Variants in MKLN1 observed in about 807,000 individuals in gnomAD.
The protein encoded by MKLN1 is muskelin.
A neutral mutation model predicts 99.0 loss-of-function variants in MKLN1; 18 were observed. The observed-to-expected ratio is 0.18, with a 90% CI of 0.13 to 0.27. MKLN1 has a LOEUF of 0.27. Among genes scored for constraint, MKLN1 ranks in the 10% least tolerant of loss-of-function variants. The pLI is 1.00. For synonymous variants in MKLN1, 288 were observed against 293.2 expected (o/e 0.98, Z 0.18); for missense variants, 621 against 875.9 (o/e 0.71, Z 3.67).
intron 2 of MKLN1, among the ~76,000 whole-genome samples, chr7:131,179,826 G>C (rs537195608): frequency 6.6e-6 from 1 of 152,040 alleles, no homozygotes; most frequent in East Asian, 1.9e-4. Context: ...CGCCTGCCTC[G>C]GCCTCCCAAA....
chr7:131,435,691 A>G (rs1795657862), intron 9 of MKLN1, among the ~76,000 whole-genome samples: 1 of 151,752 alleles, frequency 6.6e-6, no homozygotes, highest in Admixed American at 6.6e-5. Context: ...TATGTTTTTG[A>G]TAGTATTCTC....
intron 12 of MKLN1, among the ~76,000 whole-genome samples, chr7:131,447,855 G>C (rs186085070): frequency 3.9e-5 from 6 of 152,154 alleles, no homozygotes; most frequent in Non-Finnish European, 5.9e-5. Context: ...ACACAACTAC[G>C]TAATGACAGA....
intron 2 of MKLN1, among the ~76,000 whole-genome samples, chr7:131,386,654 T>A (rs989212779): frequency 7.2e-5 from 11 of 152,306 alleles, no homozygotes; most frequent in African/African-American, 2.4e-4. Flanking sequence ...GGTTTCAAAT[T>A]TGTAAACTTG....
At chr7:131,162,000 T>TATATATATATATAG (rs1491177471) in intron 2 of MKLN1, among the ~76,000 whole-genome samples, 2 of 127,032 alleles carry the variant, frequency 1.6e-5, no homozygotes, top group Admixed American at 8.2e-5. Context: ...TATATATATA[T>TATATATATATATAG]GTAACAGAGT....
chr7:131,389,025 CA>C (rs1794116073), intron 4 of MKLN1, 53 bp downstream of exon 4: 4 of 1,220,760 alleles, frequency 3.3e-6, no homozygotes, highest in African/African-American at 3.0e-5. Flanking sequence ...CATCAGTCAG[CA>C]AACTATAGCC....
intron 3 of MKLN1, among the ~76,000 whole-genome samples, chr7:131,308,262 T>G (rs913629858): frequency 2.6e-4 from 23 of 88,944 alleles, no homozygotes; most frequent in East Asian, 3.8e-4. Context: ...TCTCACGTAG[T>G]TTTTTTTTTT....
At chr7:131,124,750 AC>A (rs769010236) in intron 1 of MKLN1, among the ~76,000 whole-genome samples, 12 of 151,996 alleles carry the variant, frequency 7.9e-5, no homozygotes, top group Non-Finnish European at 1.5e-4. Context: ...AGCCTACTTT[AC>A]CATGATCCTG....
At chr7:131,182,398 T>A (rs1796389049) in intron 2 of MKLN1, among the ~76,000 whole-genome samples, 1 of 152,244 alleles carries the variant, frequency 6.6e-6, no homozygotes, top group South Asian at 2.1e-4. Flanking sequence ...TTCACGTTAT[T>A]TGGGCCCAAA....
chr7:131,392,754 C>G (rs552343439), intron 4 of MKLN1, among the ~76,000 whole-genome samples: 1 of 151,984 alleles, frequency 6.6e-6, no homozygotes, highest in African/African-American at 2.4e-5. Context: ...TACAGGCATG[C>G]GCCACCATGC....
At chr7:131,182,145 C>G (rs1333669411) in intron 2 of MKLN1, among the ~76,000 whole-genome samples, 1 of 152,022 alleles carries the variant, frequency 6.6e-6, no homozygotes, top group Non-Finnish European at 1.5e-5. Context: ...AAAAAAAAAC[C>G]CATCATAAAT....
At chr7:131,137,440 T>G (rs1253364568) in intron 1 of MKLN1, among the ~76,000 whole-genome samples, 2 of 152,202 alleles carry the variant, frequency 1.3e-5, no homozygotes, top group Non-Finnish European at 2.9e-5. Context: ...TCCTGTGACT[T>G]GTACTGTGTG....
intron 2 of MKLN1, among the ~76,000 whole-genome samples, chr7:131,168,048 A>G (rs1023241948): frequency 2.6e-5 from 4 of 152,256 alleles, no homozygotes; most frequent in Non-Finnish European, 2.9e-5. Flanking sequence ...TATTTTTCCT[A>G]AATCTTTTCA....
intron 3 of MKLN1, among the ~76,000 whole-genome samples, chr7:131,296,411 A>C (rs569775459): frequency 2.6e-5 from 4 of 152,324 alleles, no homozygotes; most frequent in Non-Finnish European, 4.4e-5. Flanking sequence ...AGTCTATTTT[A>C]TATATCTTAA....
chr7:131,186,081 A>T (rs866511779), intron 2 of MKLN1, among the ~76,000 whole-genome samples: 3 of 152,228 alleles, frequency 2.0e-5, no homozygotes, highest in Middle Eastern at 3.4e-3. Flanking sequence ...AATCCCAGCT[A>T]TCAGGAGACT....
intron 5 of MKLN1, among the ~76,000 whole-genome samples, chr7:131,398,988 A>C (rs1354891137): frequency 1.3e-5 from 2 of 152,150 alleles, no homozygotes; most frequent in Non-Finnish European, 2.9e-5. Flanking sequence ...GAGGCTCTGG[A>C]ATTAGGTTTG....
intron 1 of MKLN1, among the ~76,000 whole-genome samples, chr7:131,139,738 G>T (rs1795703540): frequency 1.3e-5 from 2 of 152,220 alleles, no homozygotes; most frequent in African/African-American, 4.8e-5. Flanking sequence ...AGTGGGCCAT[G>T]GACCAGGAAG....
At chr7:131,236,288 G>A (rs1240839211) in intron 3 of MKLN1, among the ~76,000 whole-genome samples, 1 of 152,074 alleles carries the variant, frequency 6.6e-6, no homozygotes, top group Non-Finnish European at 1.5e-5. Context: ...ATGAGATAAG[G>A]AAATTGACAA....
chr7:131,407,829 A>C (rs1369867784), intron 6 of MKLN1, among the ~76,000 whole-genome samples: 1 of 151,612 alleles, frequency 6.6e-6, no homozygotes, highest in African/African-American at 2.4e-5. Context: ...ATCTTCTTTC[A>C]TTATATTCTC....
chr7:131,239,136 C>A (rs1383944498), intron 3 of MKLN1, among the ~76,000 whole-genome samples: 2 of 152,092 alleles, frequency 1.3e-5, no homozygotes, highest in African/African-American at 4.8e-5. Context: ...GGGAGGGTGG[C>A]AGGGTACTCC....
Sources: gnomAD v4.1 joint callset for allele counts (sites outside exome capture counted in the v4.1 genomes callset) on GRCh38, gnomAD v4.1.1 for gene constraint, MANE v1.5 for transcripts, NCBI Gene and HGNC (gene_info 2026-07-23, HGNC 2026-07-21) for gene names.